MATCAP2: variants seen among roughly 807,000 people sequenced by gnomAD.
The protein encoded by MATCAP2 is putative tyrosine carboxypeptidase MATCAP2.
chr7:36,363,923 A>G, the MATCAP2 span, among the ~76,000 whole-genome samples: 1 of 152,214 alleles, frequency 6.6e-6, no homozygotes, highest in Non-Finnish European at 1.5e-5. Context: ...CCGCATGGAA[A>G]AATGTACATA....
the MATCAP2 span, among the ~76,000 whole-genome samples, chr7:36,362,516 T>C: frequency 6.6e-6 from 1 of 152,184 alleles, no homozygotes; most frequent in African/African-American, 2.4e-5. Flanking sequence ...GAGTGAGCAT[T>C]ATACATCATC....
chr7:36,337,098 C>CAAAAAAAAAAAAA, the MATCAP2 span, among the ~76,000 whole-genome samples: 237 of 18,528 alleles, frequency 0.013, 65 homozygotes, highest in Non-Finnish European at 0.014. Context: ...AACTCCATCT[C>CAAAAAAAAAAAAA]AAAAAAAAAA....
At chr7:36,385,420 T>C in the MATCAP2 span, among the ~76,000 whole-genome samples, 18 of 152,222 alleles carry the variant, frequency 1.2e-4, no homozygotes, top group South Asian at 8.3e-4. Context: ...ATAACTAATA[T>C]AGTGTGATAT....
the MATCAP2 span, among the ~76,000 whole-genome samples, chr7:36,332,089 T>G: frequency 8.5e-5 from 13 of 152,298 alleles, no homozygotes; most frequent in African/African-American, 3.1e-4. Flanking sequence ...ATCATTCTTT[T>G]GTATACATTT....
At chr7:36,366,112 AT>A in the MATCAP2 span, among the ~76,000 whole-genome samples, 1 of 152,298 alleles carries the variant, frequency 6.6e-6, no homozygotes, top group South Asian at 2.1e-4. Flanking sequence ...TTCCGGCTTT[AT>A]TTTGGCACTA....
At chr7:36,337,584 C>T in the MATCAP2 span, 2 of 152,124 alleles carry the variant, frequency 1.3e-5, no homozygotes, top group Admixed American at 1.3e-4. Context: ...GGAGTTGATG[C>T]CATGGCTCTG....
At chr7:36,324,415 A>G in the MATCAP2 span, 4 of 152,214 alleles carry the variant, frequency 2.6e-5, no homozygotes, top group Non-Finnish European at 5.9e-5. Context: ...AGTTTACCAG[A>G]ATTTGTATTT....
chr7:36,386,180 A>G, the MATCAP2 span, among the ~76,000 whole-genome samples: 1 of 152,224 alleles, frequency 6.6e-6, no homozygotes, highest in East Asian at 1.9e-4. Context: ...AAAAGTTGAT[A>G]TATGATAAAA....
the MATCAP2 span, among the ~76,000 whole-genome samples, chr7:36,336,562 T>A: frequency 6.6e-6 from 1 of 152,278 alleles, no homozygotes; most frequent in African/African-American, 2.4e-5. Context: ...AAGAACTGCG[T>A]ATCTCAAGTG....
At chr7:36,367,361 C>T in the MATCAP2 span, 2 of 989,326 alleles carry the variant, frequency 2.0e-6, no homozygotes, top group South Asian at 9.4e-5. Context: ...CCGGCGTGCA[C>T]AGCGCGGGCC....
At chr7:36,349,216 T>C in the MATCAP2 span, among the ~76,000 whole-genome samples, 2 of 152,196 alleles carry the variant, frequency 1.3e-5, no homozygotes, top group Non-Finnish European at 2.9e-5. Flanking sequence ...AGGAAGACAC[T>C]GACAGCAGTG....
chr7:36,346,872 T>G, the MATCAP2 span, among the ~76,000 whole-genome samples: 1 of 152,224 alleles, frequency 6.6e-6, no homozygotes, highest in African/African-American at 2.4e-5. Flanking sequence ...GCGATTCTCC[T>G]GCCTCAGCCT....
At chr7:36,357,512 T>G in the MATCAP2 span, 1 of 1,614,162 alleles carries the variant, frequency 6.2e-7, no homozygotes, top group Non-Finnish European at 8.5e-7. Flanking sequence ...AATGCTTCTT[T>G]TGTTGTCAAT....
At chr7:36,353,822 G>C in the MATCAP2 span, among the ~76,000 whole-genome samples, 8 of 152,084 alleles carry the variant, frequency 5.3e-5, no homozygotes, top group Admixed American at 5.2e-4. Flanking sequence ...TTGAAGATAG[G>C]CAATTTACAT....
chr7:36,383,842 C>A, the MATCAP2 span: 1 of 1,541,326 alleles, frequency 6.5e-7, no homozygotes, highest in South Asian at 1.2e-5. Context: ...AAAGAAGTGG[C>A]CCTTCAGCCA....
the MATCAP2 span, among the ~76,000 whole-genome samples, chr7:36,345,728 T>G: frequency 6.6e-6 from 1 of 152,106 alleles, no homozygotes; most frequent in African/African-American, 2.4e-5. Context: ...GACCTTAACC[T>G]CTTAAGAGCT....
the MATCAP2 span, among the ~76,000 whole-genome samples, chr7:36,354,617 G>T: frequency 1.3e-5 from 2 of 152,224 alleles, no homozygotes; most frequent in Non-Finnish European, 2.9e-5. Flanking sequence ...GGAGGAGATG[G>T]ATGTATGATA....
At chr7:36,379,017 G>A in the MATCAP2 span, among the ~76,000 whole-genome samples, 1 of 152,180 alleles carries the variant, frequency 6.6e-6, no homozygotes, top group African/African-American at 2.4e-5. Flanking sequence ...AGCTGCCCTT[G>A]GCTAGGAAAG....
At chr7:36,388,839 G>A in the MATCAP2 span, among the ~76,000 whole-genome samples, 1 of 152,174 alleles carries the variant, frequency 6.6e-6, no homozygotes, top group Non-Finnish European at 1.5e-5. Context: ...AATTCCTCCC[G>A]CTCTAACACT....
Sources: gnomAD v4.1 joint callset for allele counts (sites outside exome capture counted in the v4.1 genomes callset) on GRCh38, gnomAD v4.1.1 for gene constraint, MANE v1.5 for transcripts, NCBI Gene and HGNC (gene_info 2026-07-23, HGNC 2026-07-21) for gene names.